TMEM131L: variants seen among roughly 807,000 people sequenced by gnomAD.
TMEM131L encodes the protein transmembrane protein 131-like.
Under a neutral mutation model 192.2 loss-of-function variants are expected in TMEM131L, and 54 were observed. The observed-to-expected ratio is 0.28, with a 90% confidence interval of 0.23 to 0.35. The LOEUF (loss-of-function observed/expected upper bound fraction) is 0.35, where lower values mean the gene tolerates loss of function less well. TMEM131L is among the 10% of genes least tolerant of loss of function. The pLI is 1.00. For synonymous variants in TMEM131L, 701 were observed against 704.9 expected, an observed-to-expected ratio of 0.99 and a Z score of 0.09; for missense variants, 1,888 against 1,972.9, an observed-to-expected ratio of 0.96 and a Z score of 0.82.
chr4:153,466,648 G>A, intron 1 of TMEM131L, 127 bp downstream of exon 1: 1 of 952,716 alleles, frequency 1.0e-6, no homozygotes, highest in Non-Finnish European at 1.4e-6. Flanking sequence ...AGGAAGGAAA[G>A]CTGTTGCGAT....
chr4:153,589,670 A>G (rs1730936613), intron 16 of TMEM131L, among the ~76,000 whole-genome samples: 2 of 152,230 alleles, frequency 1.3e-5, no homozygotes, highest in African/African-American at 4.8e-5. Flanking sequence ...TGCACACAGT[A>G]TTTTATTGAC....
rs534683983 is a variant in TMEM131L at position 153,554,925 on chromosome 4, T to C, written c.309-862T>C. On this transcript the variant is annotated intron_variant, in intron 4 of 34. Coordinates refer to ENST00000409959, the MANE Select transcript of TMEM131L (RefSeq NM_001131007.2). ...CAATTCCTTTATCAGAGCCGAGACA[T>C]TGGAGGTGGAGAGTGCTGCTGAAAA... 1.4e-4 allele frequency among the ~76,000 whole-genome samples: 22 copies of C among 152,282 alleles called. No homozygotes were observed. The South Asian group carries it at 2.9e-3, about 20-fold the overall frequency.
At chr4:153,511,325 T>A (rs1203777322) in intron 3 of TMEM131L, among the ~76,000 whole-genome samples, 1 of 152,198 alleles carries the variant, frequency 6.6e-6, no homozygotes, top group Non-Finnish European at 1.5e-5. Flanking sequence ...GATCATGTCC[T>A]TTGCGGGAAC....
In TMEM131L at chr4:153,634,422, G is replaced by T. The variant is rs570385429; in HGVS notation, c.4417+142G>T. 311 of 670,946 alleles carry T rather than the reference G, an allele frequency of 4.6e-4. 1 individual carries two copies. The East Asian group carries it at 5.8e-3, about 13-fold the overall frequency. The allele number at this position is 670,946 out of a possible 1,614,324, so 41.6% of individuals were successfully genotyped here. A position where few individuals can be genotyped will look rare whatever the true frequency, so the allele number is the denominator to read the frequency against. On this transcript the variant is annotated intron_variant, in intron 33 of 34. Transcript: ENST00000409959. ...GCAGTAGACTGCCGAATGGCTTCATGTGGATCCAGTTGTGCACTGATGCCA... is the reference window on the plus strand; with the variant it reads ...GCAGTAGACTGCCGAATGGCTTCATTTGGATCCAGTTGTGCACTGATGCCA...
intron 3 of TMEM131L, among the ~76,000 whole-genome samples, chr4:153,510,367 C>T (rs1734272370): frequency 2.0e-5 from 3 of 152,118 alleles, no homozygotes; most frequent in South Asian, 2.1e-4. Context: ...TAACACTGAC[C>T]GTCCTGAGAA....
intron 25 of TMEM131L, among the ~76,000 whole-genome samples, chr4:153,608,768 T>G (rs759225911): frequency 1.3e-4 from 20 of 152,258 alleles, no homozygotes; most frequent in Non-Finnish European, 2.5e-4. Context: ...GTGATTAGAT[T>G]TGAGACAGTA....
chr4:153,487,719 T>TGGGTGA (rs369094307), intron 3 of TMEM131L, among the ~76,000 whole-genome samples: 1 of 143,438 alleles, frequency 7.0e-6, no homozygotes, highest in Non-Finnish European at 1.5e-5. Flanking sequence ...TGTGTGTGTG[T>TGGGTGA]GAGAGAGAGA....
chr4:153,598,590 G>T lies in TMEM131L; in HGVS notation c.2124G>T (p.Arg708=). 1 of 1,612,526 alleles carries T rather than the reference G, an allele frequency of 6.2e-7. No individual in the cohort carries two copies. The highest frequency in any genetic ancestry group is 1.1e-5 in the South Asian group (1 of 91,020). ...TTATATCTATTTCCTTTCACTACAG[G>T]AATAACTTGACTGTTATTGACATGA... is the stretch of plus-strand genomic sequence containing the variant. The part of the protein sequence containing the change: ...YGKVTSLILI[R]NNLTVIDMIG... The change falls in exon 21 of 35, where the codon CGG becomes CGT. Residue 708 remains arginine, a splice_region_variant and synonymous_variant. Transcript: ENST00000409959.
At chr4:153,504,820 A>G (rs1046957138) in intron 3 of TMEM131L, among the ~76,000 whole-genome samples, 2 of 152,234 alleles carry the variant, frequency 1.3e-5, no homozygotes, top group Non-Finnish European at 2.9e-5. Flanking sequence ...TTGCTTCTTC[A>G]TCTCATTTGC....
intron 3 of TMEM131L, among the ~76,000 whole-genome samples, chr4:153,540,944 C>T (rs911986468): frequency 6.6e-6 from 1 of 152,144 alleles, no homozygotes; most frequent in African/African-American, 2.4e-5. Context: ...CTGGCAAACT[C>T]TGTTAATGCT....
At chr4:153,600,368 G>GAA (rs34507956) in intron 21 of TMEM131L, among the ~76,000 whole-genome samples, 6 of 125,694 alleles carry the variant, frequency 4.8e-5, no homozygotes, top group East Asian at 2.5e-4. Flanking sequence ...CCCTGTCTCA[G>GAA]AAAAAAAAAA....
At chr4:153,592,655 A>AG in intron 18 of TMEM131L, 71 bp downstream of exon 18, 1 of 1,037,776 alleles carries the variant, frequency 9.6e-7, no homozygotes, top group Middle Eastern at 2.0e-4. Flanking sequence ...TTAATGTCCT[A>AG]CACTTTTTCA....
intron 3 of TMEM131L, among the ~76,000 whole-genome samples, chr4:153,527,933 A>G (rs1735614765): frequency 6.6e-6 from 1 of 152,238 alleles, no homozygotes; most frequent in East Asian, 1.9e-4. Context: ...TTTTGGTACT[A>G]TATGCGTACA....
intron 3 of TMEM131L, among the ~76,000 whole-genome samples, chr4:153,538,630 G>A (rs1224868896): frequency 6.6e-6 from 1 of 152,240 alleles, no homozygotes; most frequent in East Asian, 1.9e-4. Context: ...CTCCCTCAGG[G>A]CAAGCAGGGG....
At chr4:153,598,499 A>T in intron 20 of TMEM131L, 91 bp from the exon 21 acceptor site, 1 of 1,151,114 alleles carries the variant, frequency 8.7e-7, no homozygotes, top group Non-Finnish European at 1.2e-6. Context: ...GTTTAAAAAT[A>T]TTCTTGATAA....
intron 11 of TMEM131L, among the ~76,000 whole-genome samples, chr4:153,584,318 T>G (rs1055376849): frequency 2.6e-5 from 4 of 152,234 alleles, no homozygotes; most frequent in Non-Finnish European, 4.4e-5. Context: ...GAAAGGTAGA[T>G]TTTATTTTCA....
At chr4:153,598,130 G>T (rs1408609462) in intron 20 of TMEM131L, among the ~76,000 whole-genome samples, 2 of 152,006 alleles carry the variant, frequency 1.3e-5, no homozygotes, top group Non-Finnish European at 2.9e-5. Context: ...TCATCCCTAA[G>T]GCAGAATTTC....
Position 153,536,908 on chromosome 4 carries a change from G to C in TMEM131L, c.240-13165G>C, listed in dbSNP as rs1226049430. Among the ~76,000 whole-genome samples the C allele has an allele frequency of 1.3e-5, 2 of 152,188 alleles. 1 individual carries two copies. Among genetic ancestry groups the C allele is most frequent in the Admixed American group, 1.3e-4 (2 of 15,280 alleles). Reference sequence around the variant, plus strand: ...AGGGCAGGAAGCATCCAGCACGGGAGAAAGCATAGGAAAAAGATGTTGGCT... The same window carrying C: ...AGGGCAGGAAGCATCCAGCACGGGACAAAGCATAGGAAAAAGATGTTGGCT... On this transcript the variant is annotated intron_variant, in intron 3 of 34. Coordinates refer to ENST00000409959, the MANE Select transcript of TMEM131L (RefSeq NM_001131007.2).
chr4:153,633,651 T>G (rs1734379767), intron 32 of TMEM131L, among the ~76,000 whole-genome samples: 1 of 152,224 alleles, frequency 6.6e-6, no homozygotes, highest in Admixed American at 6.5e-5. Flanking sequence ...TAAGAAAATG[T>G]TAGATATTTA....
Sources: allele counts gnomAD v4.1 joint callset (sites outside exome capture counted in the v4.1 genomes callset), GRCh38; gene constraint gnomAD v4.1.1; transcripts MANE v1.5; gene names NCBI Gene and HGNC (gene_info 2026-07-23, HGNC 2026-07-21).